The following FAM135A variants were observed in gnomAD, a reference collection of about 807,000 sequenced individuals.
The protein encoded by FAM135A is protein FAM135A.
FAM135A carries 79 observed loss-of-function variants against 146.8 expected under a neutral mutation model. That is an observed-to-expected ratio of 0.54 (90% CI 0.45 to 0.65). The LOEUF (loss-of-function observed/expected upper bound fraction) is 0.65, where lower values mean the gene tolerates loss of function less well. Among genes scored for constraint, FAM135A ranks in the 30% least tolerant of loss-of-function variants. The pLI is 0.00. For synonymous variants in FAM135A, 562 were observed against 603.6 expected (o/e 0.93, Z 1.01); for missense variants, 1,623 against 1,758.2 (o/e 0.92, Z 1.38).
chr6:70,551,470 A>G (rs183730025), intron 20 of FAM135A, among the ~76,000 whole-genome samples: 3 of 152,138 alleles, frequency 2.0e-5, no homozygotes, highest in East Asian at 1.9e-4. Flanking sequence ...AAAATACCCA[A>G]TGTGCTGTCG....
intron 2 of FAM135A, among the ~76,000 whole-genome samples, chr6:70,422,766 A>C (rs1371715224): frequency 6.6e-6 from 1 of 152,230 alleles, no homozygotes; most frequent in Non-Finnish European, 1.5e-5. Context: ...TATTTATGGA[A>C]TCTTTAATGC....
chr6:70,417,662 CAGTGTTAACTATG>C (rs1767855365), intron 2 of FAM135A: 1 of 982,618 alleles, frequency 1.0e-6, no homozygotes, highest in Non-Finnish European at 1.2e-6. Flanking sequence ...GTTTTTAGAG[CAGTGTTAACTATG>C]ACACTTGCTC....
intron 1 of FAM135A, among the ~76,000 whole-genome samples, chr6:70,414,951 CAG>C (rs956684428): frequency 6.6e-5 from 10 of 152,182 alleles, no homozygotes; most frequent in African/African-American, 1.7e-4. Flanking sequence ...TGAAATTTAA[CAG>C]AATTTCTTTT....
chr6:70,483,114 G>A (rs1784037592), intron 10 of FAM135A, among the ~76,000 whole-genome samples: 1 of 152,050 alleles, frequency 6.6e-6, no homozygotes, highest in African/African-American at 2.4e-5. Context: ...ACTTGTGTCG[G>A]ATTACAGAGG....
At chr6:70,506,091 T>C (rs1256403158) in intron 12 of FAM135A, among the ~76,000 whole-genome samples, 1 of 152,174 alleles carries the variant, frequency 6.6e-6, no homozygotes, top group Non-Finnish European at 1.5e-5. Flanking sequence ...CATTTCTCAC[T>C]ACCAAGATTT....
At chr6:70,558,535 C>T (rs186876031) in intron 21 of FAM135A, among the ~76,000 whole-genome samples, 12 of 152,242 alleles carry the variant, frequency 7.9e-5, no homozygotes, top group Admixed American at 1.3e-4. Context: ...ATTGTTTGGG[C>T]GCAGTGGCTC....
chr6:70,518,397 G>A (rs948831063), intron 12 of FAM135A, among the ~76,000 whole-genome samples: 2 of 152,214 alleles, frequency 1.3e-5, no homozygotes, highest in Non-Finnish European at 2.9e-5. Flanking sequence ...AAAGTGTGAG[G>A]TAAGGCAGCA....
At chr6:70,486,346 G>A in intron 10 of FAM135A, 2 of 986,140 alleles carry the variant, frequency 2.0e-6, no homozygotes, top group Non-Finnish European at 3.1e-6. Context: ...ATTTAATAAT[G>A]TGGTATGTTT....
intron 5 of FAM135A, among the ~76,000 whole-genome samples, chr6:70,454,763 C>T (rs1227428798): frequency 3.9e-5 from 6 of 152,070 alleles, no homozygotes; most frequent in Non-Finnish European, 7.4e-5. Flanking sequence ...TTCCATTGGT[C>T]TATCTCTCTC....
intron 11 of FAM135A, among the ~76,000 whole-genome samples, chr6:70,491,642 T>C (rs937569481): frequency 6.6e-6 from 1 of 151,920 alleles, no homozygotes; most frequent in Non-Finnish European, 1.5e-5. Context: ...GGTTTGGATA[T>C]ACTTTTGGAT....
chr6:70,531,389 C>A (rs1355201771), intron 16 of FAM135A, among the ~76,000 whole-genome samples: 3 of 152,202 alleles, frequency 2.0e-5, no homozygotes, highest in Admixed American at 1.3e-4. Flanking sequence ...TTTCCTCTTA[C>A]AATTCTTTGA....
chr6:70,528,813 T>G lies in FAM135A; in HGVS notation c.3775+361T>G, dbSNP rs573252470. Among the ~76,000 whole-genome samples, 604 of 152,158 alleles carry G rather than the reference T, an allele frequency of 4.0e-3. 8 individuals carry two copies. Among genetic ancestry groups the G allele is most frequent in the African/African-American group, 0.014 (583 of 41,458 alleles). ...TTTGCTGTCATCTACATTAGGTATT[T>G]CTCCTAATGCTATCCCTCCCCTAGT... On this transcript the variant is annotated intron_variant, in intron 16 of 21. Transcript: ENST00000418814.
At chr6:70,431,173 G>A (rs1439062509) in intron 4 of FAM135A, among the ~76,000 whole-genome samples, 2 of 152,044 alleles carry the variant, frequency 1.3e-5, no homozygotes, top group African/African-American at 4.8e-5. Context: ...TCTAGGTATC[G>A]ATTTCTGTAT....
Position 70,560,058 on chromosome 6 carries a change from C to A in FAM135A, c.*137C>A. The A allele has an allele frequency of 1.5e-6, 1 of 680,626 alleles. No homozygotes were observed. The highest frequency in any genetic ancestry group is 2.3e-6 in the Non-Finnish European group (1 of 428,108). 42.2% of individuals were successfully genotyped at this position (680,626 alleles called of 1,614,324 possible). On this transcript the variant is annotated 3_prime_UTR_variant, in exon 22 of 22. Transcript: ENST00000418814. Reference sequence around the variant, plus strand: ...TATATGGAAGATAATTTATATCATCCATGTTTAGTGCTTTTTAAACATCAA... The same window carrying A: ...TATATGGAAGATAATTTATATCATCAATGTTTAGTGCTTTTTAAACATCAA...
intron 10 of FAM135A, among the ~76,000 whole-genome samples, chr6:70,487,312 C>T (rs1196519573): frequency 6.6e-6 from 1 of 151,874 alleles, no homozygotes; most frequent in Non-Finnish European, 1.5e-5. Context: ...TATACATTTT[C>T]ATATATATGT....
At chr6:70,505,535 A>AT (rs140689571) in intron 12 of FAM135A, among the ~76,000 whole-genome samples, 6,810 of 148,948 alleles carry the variant, frequency 0.046, 340 homozygotes, top group African/African-American at 0.11. Context: ...GGGATACTAC[A>AT]TTTTTTTTTC....
At chr6:70,477,041 T>G in intron 7 of FAM135A, 118 bp from the exon 8 acceptor site, 1 of 1,075,182 alleles carries the variant, frequency 9.3e-7, no homozygotes, top group Non-Finnish European at 1.3e-6. Flanking sequence ...AAAATTACTC[T>G]TATTCGAAAT....
chr6:70,442,712 G>A (rs577824458), intron 4 of FAM135A, among the ~76,000 whole-genome samples: 2 of 151,270 alleles, frequency 1.3e-5, no homozygotes, highest in East Asian at 3.9e-4. Context: ...ACATTCGGGT[G>A]GTAACACCTG....
chr6:70,414,629 G>C (rs1415614111), intron 1 of FAM135A, among the ~76,000 whole-genome samples: 1 of 150,444 alleles, frequency 6.6e-6, no homozygotes, highest in African/African-American at 2.5e-5. Flanking sequence ...GCTGCTTTCT[G>C]CCTAAGCTAG....
Sources: gnomAD v4.1 joint callset for allele counts (sites outside exome capture counted in the v4.1 genomes callset) on GRCh38, gnomAD v4.1.1 for gene constraint, MANE v1.5 for transcripts, NCBI Gene and HGNC (gene_info 2026-07-23, HGNC 2026-07-21) for gene names.